SLC13A3: variants seen among roughly 807,000 people sequenced by gnomAD.
SLC13A3 encodes the protein Na(+)/dicarboxylate cotransporter 3.
Under a neutral mutation model 59.0 loss-of-function variants are expected in SLC13A3, and 40 were observed. That is an observed-to-expected ratio of 0.68 (90% CI 0.53 to 0.88). The LOEUF is 0.88. SLC13A3 is among the 40% of genes least tolerant of loss of function. SLC13A3 has a pLI of 0.00. For missense variants in SLC13A3, 699 were observed against 783.2 expected, an observed-to-expected ratio of 0.89 and a Z score of 1.28; for synonymous variants, 317 against 330.3, an observed-to-expected ratio of 0.96 and a Z score of 0.44.
intron 1 of SLC13A3, among the ~76,000 whole-genome samples, chr20:46,632,799 C>A (rs1169528019): frequency 6.6e-6 from 1 of 151,944 alleles, no homozygotes; most frequent in South Asian, 2.1e-4. Context: ...ATCTCTATCT[C>A]TCTCTCTCTC....
At chr20:46,601,251 T>C (rs1237103095) in intron 3 of SLC13A3, among the ~76,000 whole-genome samples, 1 of 152,158 alleles carries the variant, frequency 6.6e-6, no homozygotes, top group Non-Finnish European at 1.5e-5. Flanking sequence ...TCCGAGAGAA[T>C]GGACGTAGGG....
chr20:46,654,779 C>T (rs1009539063), upstream of SLC13A3, among the ~76,000 whole-genome samples: 1 of 152,184 alleles, frequency 6.6e-6, no homozygotes, highest in African/African-American at 2.4e-5. Flanking sequence ...GATCCACCGG[C>T]CTAGGCAACA....
chr20:46,629,430 C>T (rs974753618), intron 1 of SLC13A3, among the ~76,000 whole-genome samples: 4 of 152,136 alleles, frequency 2.6e-5, no homozygotes, highest in African/African-American at 9.7e-5. Flanking sequence ...GCTCTTTCAA[C>T]CTGCATATGT....
intron 5 of SLC13A3, among the ~76,000 whole-genome samples, chr20:46,595,730 T>C (rs955682017): frequency 6.6e-6 from 1 of 152,106 alleles, no homozygotes; most frequent in Non-Finnish European, 1.5e-5. Context: ...CAGCTCCACC[T>C]CCAAGCCCTG....
At chr20:46,629,594 T>C (rs141678837) in intron 1 of SLC13A3, among the ~76,000 whole-genome samples, 38 of 152,354 alleles carry the variant, frequency 2.5e-4, no homozygotes, top group African/African-American at 8.9e-4. Flanking sequence ...TTCCACTTCA[T>C]TTTGTTCAAT....
chr20:46,562,420 TTC>T (rs946819690), intron 12 of SLC13A3, among the ~76,000 whole-genome samples: 5 of 152,114 alleles, frequency 3.3e-5, no homozygotes, highest in Non-Finnish European at 5.9e-5. Flanking sequence ...CTTCCCCTTT[TTC>T]TCTGTGAGGC....
chr20:46,674,606 T>C (rs183048226), upstream of SLC13A3, among the ~76,000 whole-genome samples: 2,071 of 73,296 alleles, frequency 0.028, 42 homozygotes, highest in African/African-American at 0.068. Flanking sequence ...CGCGCGCGCG[T>C]GTGTGTGTGT....
intron 3 of SLC13A3, 73 bp downstream of exon 3, chr20:46,610,373 A>C: frequency 1.3e-6 from 2 of 1,491,916 alleles, no homozygotes; most frequent in Non-Finnish European, 1.8e-6. Flanking sequence ...GCCTTCCCTA[A>C]CATCCTTTGG....
At chr20:46,587,083 G>A (rs934666871) in intron 8 of SLC13A3, among the ~76,000 whole-genome samples, 1 of 152,106 alleles carries the variant, frequency 6.6e-6, no homozygotes, top group Non-Finnish European at 1.5e-5. Flanking sequence ...GCCAGATTTG[G>A]CCCAAAAAGA....
At chr20:46,566,013 A>G (rs1907940044) in intron 11 of SLC13A3, among the ~76,000 whole-genome samples, 1 of 152,248 alleles carries the variant, frequency 6.6e-6, no homozygotes, top group Non-Finnish European at 1.5e-5. Context: ...AGAAGAGAGA[A>G]TTGGGAGCAC....
At chr20:46,562,192 C>T (rs2061937185) in intron 12 of SLC13A3, among the ~76,000 whole-genome samples, 1 of 152,330 alleles carries the variant, frequency 6.6e-6, no homozygotes, top group African/African-American at 2.4e-5. Context: ...GAAGTGAAAT[C>T]ACATCATTGC....
chr20:46,679,197 C>G (rs1209572961), intron 1 of SLC13A3, among the ~76,000 whole-genome samples: 1 of 152,216 alleles, frequency 6.6e-6, no homozygotes, highest in African/African-American at 2.4e-5. Flanking sequence ...CCGATCTGAC[C>G]TTTCCTGAGA....
chr20:46,634,817 C>G (rs754488482), intron 1 of SLC13A3, among the ~76,000 whole-genome samples: 10 of 152,302 alleles, frequency 6.6e-5, no homozygotes, highest in South Asian at 4.1e-4. Flanking sequence ...GCTCCGTCCT[C>G]TCTCTTTGCC....
intron 9 of SLC13A3, among the ~76,000 whole-genome samples, chr20:46,577,671 C>T (rs2062092605): frequency 6.6e-6 from 1 of 152,220 alleles, no homozygotes; most frequent in Admixed American, 6.5e-5. Context: ...CCCATCCAAC[C>T]ATGCCTTTGC....
upstream of SLC13A3, among the ~76,000 whole-genome samples, chr20:46,655,923 G>A (rs190516327): frequency 1.9e-3 from 260 of 135,456 alleles, 1 homozygote; most frequent in African/African-American, 5.4e-3. Context: ...TTATATATAC[G>A]TATATAATAT....
At chr20:46,598,021 AATT>A (rs2062332438) in intron 4 of SLC13A3, among the ~76,000 whole-genome samples, 2 of 152,186 alleles carry the variant, frequency 1.3e-5, no homozygotes, top group African/African-American at 2.4e-5. Flanking sequence ...TTTATTTGTC[AATT>A]ATACTTCAAT....
intron 9 of SLC13A3, among the ~76,000 whole-genome samples, chr20:46,579,284 C>A (rs953470254): frequency 6.6e-6 from 1 of 152,098 alleles, no homozygotes; most frequent in South Asian, 2.1e-4. Context: ...TGTGCCACCA[C>A]ACAGGCTAAT....
At chr20:46,614,011 A>G (rs529309205) in intron 1 of SLC13A3, 13 of 341,400 alleles carry the variant, frequency 3.8e-5, no homozygotes, top group Non-Finnish European at 6.9e-5. Context: ...TTGAGAATGA[A>G]ATGAAATACA....
At chr20:46,661,276 C>A (rs1343535074) in intron 1 of SLC13A3, among the ~76,000 whole-genome samples, 1 of 152,086 alleles carries the variant, frequency 6.6e-6, no homozygotes, top group Admixed American at 6.5e-5. Flanking sequence ...TCCTGTAAAA[C>A]CGATAGAGTA....
Sources: allele counts gnomAD v4.1 joint callset (sites outside exome capture counted in the v4.1 genomes callset), GRCh38; gene constraint gnomAD v4.1.1; transcripts MANE v1.5; gene names NCBI Gene and HGNC (gene_info 2026-07-23, HGNC 2026-07-21).